The following QTGAL variants were observed in gnomAD, a reference collection of about 807,000 sequenced individuals.
QTGAL encodes queuosine-tRNA galactosyltransferase, also known as BGnT-like protein 1.
chr17:82,943,290 C>T, the QTGAL span: 2 of 152,258 alleles, frequency 1.3e-5, no homozygotes, highest in Non-Finnish European at 2.9e-5. Flanking sequence ...CTGATCCATC[C>T]CAAAGCTGGT....
chr17:83,006,178 T>C, the QTGAL span: 432 of 986,110 alleles, frequency 4.4e-4, 6 homozygotes, highest in East Asian at 0.031. The surrounding 1 kb of genome is among the most constrained non-coding windows in gnomAD (Gnocchi z 5.8). Context: ...ATAGTGAAAA[T>C]GTAACTGTGG....
At chr17:83,009,777 A>G in the QTGAL span, among the ~76,000 whole-genome samples, 1 of 152,242 alleles carries the variant, frequency 6.6e-6, no homozygotes, top group East Asian at 1.9e-4. Flanking sequence ...CAGAGAGCTC[A>G]GAAGGGCCCC....
chr17:82,957,250 C>A, the QTGAL span: 1 of 1,614,194 alleles, frequency 6.2e-7, no homozygotes, highest in South Asian at 1.1e-5. Context: ...ATGCCACCAC[C>A]TGGGGACAAG....
chr17:83,040,186 T>C, the QTGAL span, among the ~76,000 whole-genome samples: 1 of 152,128 alleles, frequency 6.6e-6, no homozygotes, highest in African/African-American at 2.4e-5. Flanking sequence ...TACATGAGAA[T>C]ATCTTAGGGT....
the QTGAL span, chr17:83,005,358 G>T: frequency 2.9e-6 from 2 of 695,622 alleles, no homozygotes; most frequent in South Asian, 3.7e-5. This position sits in a 1 kb window ranked among gnomAD's most constrained non-coding sequence, Gnocchi z 5.6. Flanking sequence ...GGCAAACACC[G>T]GGAGTCGAGG....
At chr17:82,946,833 A>AT in the QTGAL span, 2 of 1,418,088 alleles carry the variant, frequency 1.4e-6, no homozygotes. Context: ...GAAATGAAAC[A>AT]TAATAAAGAA....
chr17:82,989,945 T>C, the QTGAL span, among the ~76,000 whole-genome samples: 6 of 152,318 alleles, frequency 3.9e-5, no homozygotes, highest in East Asian at 1.2e-3. Context: ...ACTTTCACAA[T>C]CATTAAGTGT....
chr17:82,981,234 G>C, the QTGAL span: 1 of 152,202 alleles, frequency 6.6e-6, no homozygotes. Context: ...GGTTTAGGGT[G>C]ACCCACTCCC....
chr17:83,015,870 C>A, the QTGAL span, among the ~76,000 whole-genome samples: 3 of 152,246 alleles, frequency 2.0e-5, no homozygotes, highest in Admixed American at 2.0e-4. This position sits in a 1 kb window ranked among gnomAD's most constrained non-coding sequence, Gnocchi z 4.4. Flanking sequence ...CACGCCCCCC[C>A]ACCATCGGTC....
chr17:82,962,329 T>C, the QTGAL span, among the ~76,000 whole-genome samples: 25 of 152,346 alleles, frequency 1.6e-4, no homozygotes, highest in African/African-American at 5.8e-4. Context: ...TGGAAAGATT[T>C]GTAAGAAGAT....
the QTGAL span, among the ~76,000 whole-genome samples, chr17:83,024,679 C>G: frequency 9.9e-5 from 15 of 152,258 alleles, no homozygotes; most frequent in African/African-American, 3.1e-4. Flanking sequence ...GCTGAGACTG[C>G]GGAAGCTGCG....
chr17:82,945,622 T>G, the QTGAL span: 6 of 152,202 alleles, frequency 3.9e-5, no homozygotes, highest in Admixed American at 2.0e-4. Flanking sequence ...TCTTATCTGT[T>G]TGGTTTTTTA....
chr17:83,024,201 C>G, the QTGAL span, among the ~76,000 whole-genome samples: 6 of 152,226 alleles, frequency 3.9e-5, no homozygotes, highest in Non-Finnish European at 5.9e-5. Context: ...CCCTCCTGGT[C>G]GTCTGCAGAA....
the QTGAL span, among the ~76,000 whole-genome samples, chr17:83,032,497 G>C: frequency 5.0e-4 from 54 of 107,708 alleles, 1 homozygote; most frequent in African/African-American, 2.0e-3. Flanking sequence ...GACCGAACTC[G>C]GGAGCTGAAC....
chr17:83,032,784 G>C, the QTGAL span, among the ~76,000 whole-genome samples: 1 of 152,204 alleles, frequency 6.6e-6, no homozygotes, highest in Non-Finnish European at 1.5e-5. Context: ...AGAGAAGAAA[G>C]AGACCCAGGC....
the QTGAL span, among the ~76,000 whole-genome samples, chr17:82,984,964 T>A: frequency 4.8e-3 from 726 of 152,246 alleles, 2 homozygotes; most frequent in Admixed American, 7.6e-3. Flanking sequence ...TCCCTCGAGT[T>A]TCCAGAAGGG....
At chr17:82,969,542 A>G in the QTGAL span, among the ~76,000 whole-genome samples, 1 of 151,868 alleles carries the variant, frequency 6.6e-6, no homozygotes, top group Non-Finnish European at 1.5e-5. Flanking sequence ...GTGGTGGTGC[A>G]CGCGCCAGTG....
chr17:83,034,987 A>G, the QTGAL span: 2 of 1,409,312 alleles, frequency 1.4e-6, no homozygotes, highest in Non-Finnish European at 9.8e-7. Context: ...TAATTATTCA[A>G]CCAACATGTA....
At chr17:83,015,578 T>C in the QTGAL span, among the ~76,000 whole-genome samples, 1 of 152,320 alleles carries the variant, frequency 6.6e-6, no homozygotes, top group East Asian at 1.9e-4. This position sits in a 1 kb window ranked among gnomAD's most constrained non-coding sequence, Gnocchi z 4.4. Flanking sequence ...AAATAAACCA[T>C]ATTATTTAAG....
Sources: gnomAD v4.1 joint callset for allele counts (sites outside exome capture counted in the v4.1 genomes callset) on GRCh38, gnomAD v4.1.1 for gene constraint, Gnocchi (gnomAD v3.1) non-coding constraint, MANE v1.5 for transcripts, NCBI Gene and HGNC (gene_info 2026-07-23, HGNC 2026-07-21) for gene names.